Variants in ERAP1 observed in about 807,000 individuals in gnomAD.
ERAP1 encodes the protein endoplasmic reticulum aminopeptidase 1.
A neutral mutation model predicts 103.7 loss-of-function variants in ERAP1; 86 were observed. The ratio of observed to expected loss-of-function variants is 0.83; its 90% confidence interval spans 0.70 to 0.99. ERAP1 has a LOEUF of 0.99. Ranked by LOEUF, ERAP1 falls within the 50% of genes least tolerant of loss-of-function variation. The pLI is 0.00. For missense variants in ERAP1, 1,009 were observed against 1,128.4 expected, an observed-to-expected ratio of 0.89 and a Z score of 1.52; for synonymous variants, 398 against 402.4, an observed-to-expected ratio of 0.99 and a Z score of 0.13.
chr5:96,891,398 C>A, the ERAP1 span, among the ~76,000 whole-genome samples: 1 of 148,182 alleles, frequency 6.7e-6, no homozygotes, highest in South Asian at 2.1e-4. Flanking sequence ...TGTATACATA[C>A]ACACACACAT....
the ERAP1 span, chr5:96,934,117 C>T: frequency 6.6e-6 from 1 of 152,206 alleles, no homozygotes; most frequent in Non-Finnish European, 1.5e-5. Flanking sequence ...TTATTGTATA[C>T]TTACCCAGGC....
upstream of ERAP1, chr5:96,808,054 A>G: frequency 3.0e-6 from 3 of 985,360 alleles, no homozygotes; most frequent in Non-Finnish European, 3.6e-6. Context: ...GGTAAACGGG[A>G]GTGGGGCCGA....
intron 18 of ERAP1, among the ~76,000 whole-genome samples, chr5:96,778,908 T>C (rs190997081): frequency 1.3e-5 from 2 of 152,332 alleles, no homozygotes; most frequent in Admixed American, 6.5e-5. Flanking sequence ...CCGTATTTTA[T>C]ATGTCCGTAG....
Position 96,790,561 on chromosome 5 carries a change from T to C in ERAP1, c.1403A>G (p.His468Arg). 2 of 1,613,930 alleles carry C rather than the reference T, an allele frequency of 1.2e-6. No individual in the cohort carries two copies. Residue 468 changes from histidine (H) to arginine (R), a missense_variant, in exon 9 of 19, where the codon CAT becomes CGT. His to Arg is a conservative substitution (Grantham distance 29). Around this residue, in one of 3 missense-constraint regions of ERAP1, gnomAD observed 611 missense variants for 651.7 expected, o/e 0.94. Coordinates refer to ENST00000443439, the MANE Select transcript of ERAP1 (RefSeq NM_001040458.3). ...KSGIVQYLQK[H>R]SYKNTKNEDL... is the part of the protein sequence containing the mutation. The stretch of plus-strand genomic sequence containing the variant: ...CTCGTTTTTTGTATTTTTATAGCTA[T>C]GCTTCTGGAGATACTGTACAATACC...
the ERAP1 span, among the ~76,000 whole-genome samples, chr5:96,914,148 T>TCTCACACACACACACACACACA: frequency 4.5e-3 from 671 of 148,028 alleles, 16 homozygotes; most frequent in South Asian, 0.048. Flanking sequence ...TCTCTCTCTC[T>TCTCACACACACACACACACACA]CACACACACA....
the ERAP1 span, among the ~76,000 whole-genome samples, chr5:96,846,671 G>A: frequency 6.6e-6 from 1 of 152,196 alleles, no homozygotes; most frequent in Non-Finnish European, 1.5e-5. Flanking sequence ...TCACATATGA[G>A]TATTAAAGTC....
downstream of ERAP1, among the ~76,000 whole-genome samples, chr5:96,770,940 A>G (rs1772078804): frequency 6.6e-6 from 1 of 152,130 alleles, no homozygotes; most frequent in African/African-American, 2.4e-5. Context: ...TATTAAAATT[A>G]CTCAAGCTGT....
At chr5:96,886,745 T>C in the ERAP1 span, 2 of 1,535,926 alleles carry the variant, frequency 1.3e-6, no homozygotes, top group Non-Finnish European at 1.8e-6. Flanking sequence ...CTACATAGTT[T>C]GTGATTTCCA....
the ERAP1 span, among the ~76,000 whole-genome samples, chr5:96,866,629 G>A: frequency 6.6e-6 from 1 of 152,120 alleles, no homozygotes; most frequent in Non-Finnish European, 1.5e-5. Context: ...CATAGTTCCT[G>A]CCATTACAGC....
intron 1 of ERAP1, 119 bp downstream of exon 1, chr5:96,807,741 T>C (rs923635284): frequency 1.5e-6 from 1 of 670,978 alleles, no homozygotes; most frequent in Non-Finnish European, 1.8e-6. Context: ...CCGTGCCCCG[T>C]CTCCCTCCTC....
At chr5:96,786,663 C>G (rs1776043472) in intron 11 of ERAP1, 114 bp from the exon 12 acceptor site, 2 of 705,562 alleles carry the variant, frequency 2.8e-6, no homozygotes, top group Non-Finnish European at 2.5e-6. Context: ...AGTACCAAAA[C>G]TGCTACAGCC....
the ERAP1 span, among the ~76,000 whole-genome samples, chr5:96,887,588 C>T: frequency 6.6e-6 from 1 of 152,144 alleles, no homozygotes; most frequent in Non-Finnish European, 1.5e-5. Context: ...GCGTGAGCCA[C>T]CGTGCCCGAC....
At chr5:96,813,260 G>C in the ERAP1 span, among the ~76,000 whole-genome samples, 3 of 152,166 alleles carry the variant, frequency 2.0e-5, no homozygotes, top group South Asian at 4.2e-4. Context: ...TTGAAGAGAA[G>C]GGCAACAGGT....
At chr5:96,888,933 T>C in the ERAP1 span, among the ~76,000 whole-genome samples, 1 of 152,216 alleles carries the variant, frequency 6.6e-6, no homozygotes, top group Non-Finnish European at 1.5e-5. Context: ...TGGGTTAACA[T>C]GATTTGAAAG....
intron 2 of ERAP1, 35 bp from the exon 3 acceptor site, chr5:96,801,035 T>C (rs1400639170): frequency 6.2e-7 from 1 of 1,611,964 alleles, no homozygotes; most frequent in Non-Finnish European, 8.5e-7. Context: ...AAATTGAGCA[T>C]GAAGCACCAG....
chr5:96,800,770 A>T, intron 3 of ERAP1, 92 bp downstream of exon 3: 1 of 1,365,628 alleles, frequency 7.3e-7, no homozygotes, highest in Non-Finnish European at 1.0e-6. Flanking sequence ...AAAACAAAAC[A>T]GGTGACCCAA....
At chr5:96,873,052 G>A in the ERAP1 span, among the ~76,000 whole-genome samples, 1 of 152,098 alleles carries the variant, frequency 6.6e-6, no homozygotes, top group African/African-American at 2.4e-5. Context: ...AGCCAGGCAT[G>A]GTGGTGGGCG....
In ERAP1 at chr5:96,774,514, A is replaced by G. The variant is rs1467713235; in HGVS notation, c.*1882T>C. The G allele has an allele frequency of 4.1e-6, 4 of 986,362 alleles. No individual in the cohort carries two copies. Among genetic ancestry groups the G allele is most frequent in the East Asian group, 1.1e-4 (1 of 8,968 alleles). 61.1% of individuals were successfully genotyped at this position (986,362 alleles called of 1,614,324 possible). A position where few individuals can be genotyped will look rare whatever the true frequency, so the allele number is the denominator to read the frequency against. On this transcript the variant is annotated 3_prime_UTR_variant, in exon 19 of 19. Transcript: ENST00000443439. ...GGCAAAGAACAATTTTTTATTATCA[A>G]AAAGGTTTCTGCACATTGTTGTGGC...
intron 8 of ERAP1, among the ~76,000 whole-genome samples, chr5:96,790,931 T>C (rs1024684149): frequency 1.3e-5 from 2 of 152,226 alleles, no homozygotes; most frequent in Admixed American, 1.3e-4. Context: ...ACTCCCTTTG[T>C]TCACATGTGA....
Sources: gnomAD v4.1 joint callset for allele counts (sites outside exome capture counted in the v4.1 genomes callset) on GRCh38, gnomAD v4.1.1 for gene constraint, gnomAD v4.1.1 regional missense constraint, MANE v1.5 for transcripts, NCBI Gene and HGNC (gene_info 2026-07-23, HGNC 2026-07-21) for gene names.